Variants in FLT1 observed in about 807,000 individuals in gnomAD.
FLT1 encodes the protein vascular endothelial growth factor receptor 1.
A neutral mutation model predicts 156.3 loss-of-function variants in FLT1; 49 were observed. The observed-to-expected ratio is 0.31, with a 90% CI of 0.25 to 0.40. The LOEUF is 0.40. Among genes scored for constraint, FLT1 ranks in the 10% least tolerant of loss-of-function variants. FLT1 has a pLI of 1.00. For synonymous variants in FLT1, 594 were observed against 583.8 expected (o/e 1.02, Z -0.25); for missense variants, 1,322 against 1,637.2 (o/e 0.81, Z 3.32).
chr13:28,306,878 C>T, intron 28 of FLT1, 106 bp from the exon 29 acceptor site: 1 of 761,346 alleles, frequency 1.3e-6, no homozygotes, highest in South Asian at 1.4e-5. Context: ...GGCTCTGCCT[C>T]ACCCTCCACA....
At chr13:28,456,295 A>T (rs1879256915) in intron 3 of FLT1, among the ~76,000 whole-genome samples, 1 of 151,624 alleles carries the variant, frequency 6.6e-6, no homozygotes. Context: ...TGAATATAAA[A>T]ATATATAAAC....
intron 3 of FLT1, among the ~76,000 whole-genome samples, chr13:28,462,873 C>T (rs1017761337): frequency 4.6e-5 from 7 of 152,216 alleles, no homozygotes; most frequent in African/African-American, 1.4e-4. Context: ...AGGCCCCTAT[C>T]TGGCCTTCCT....
At chr13:28,433,333 T>C (rs1021389237) in intron 6 of FLT1, among the ~76,000 whole-genome samples, 7 of 152,190 alleles carry the variant, frequency 4.6e-5, no homozygotes, top group Non-Finnish European at 8.8e-5. Flanking sequence ...ACTTAACAAA[T>C]GGAATATTGG....
chr13:28,399,622 AT>A, intron 11 of FLT1, among the ~76,000 whole-genome samples: 1 of 152,202 alleles, frequency 6.6e-6, no homozygotes, highest in Non-Finnish European at 1.5e-5. Context: ...ATAGGTCCAA[AT>A]TTATGTATAA....
intron 1 of FLT1, among the ~76,000 whole-genome samples, chr13:28,489,882 C>G (rs1351107177): frequency 2.0e-5 from 3 of 152,112 alleles, no homozygotes; most frequent in Non-Finnish European, 4.4e-5. Flanking sequence ...TACTAAGCAG[C>G]CATCATTTTG....
rs1873851500 is a variant in FLT1 at position 28,376,669 on chromosome 13, A to G, written c.2116+8216T>C. ...TGGCCAACTTATGTTACTTCCTTAC[A>G]GTGCCACTGTGAAGAGGGTTGCCAG... On this transcript the variant is annotated intron_variant, in intron 14 of 29. Transcript: ENST00000282397. Among the ~76,000 whole-genome samples, 4 of 152,228 alleles carry G rather than the reference A, an allele frequency of 2.6e-5. No individual in the cohort carries two copies. In the South Asian group the frequency reaches 8.3e-4, roughly 32 times the overall value.
intron 3 of FLT1, among the ~76,000 whole-genome samples, chr13:28,462,011 G>C (rs1336631356): frequency 6.6e-6 from 1 of 152,170 alleles, no homozygotes; most frequent in African/African-American, 2.4e-5. Flanking sequence ...GGATGAACTA[G>C]AAGGGATCCA....
chr13:28,395,279 T>C lies in FLT1; in HGVS notation c.1660+1681A>G, dbSNP rs75545276. On this transcript the variant is annotated intron_variant, in intron 12 of 29. Coordinates refer to ENST00000282397, the MANE Select transcript of FLT1 (RefSeq NM_002019.4). ...GGTACTCTTGTCTTGGCTCTGAAAA[T>C]GTCAGGGCAAGTCTGTTTTCTTCTC... Among the ~76,000 whole-genome samples the C allele has an allele frequency of 7.4e-4, 113 of 152,292 alleles. No homozygotes were observed. In the East Asian group the frequency reaches 0.019, roughly 25 times the overall value.
At chr13:28,481,554 C>A (rs1880855937) in intron 1 of FLT1, among the ~76,000 whole-genome samples, 1 of 151,986 alleles carries the variant, frequency 6.6e-6, no homozygotes, top group African/African-American at 2.4e-5. Context: ...AGAGAAATGG[C>A]TCAGGATATG....
intron 24 of FLT1, among the ~76,000 whole-genome samples, chr13:28,317,878 G>A (rs1194973669): frequency 1.6e-4 from 24 of 152,352 alleles, no homozygotes; most frequent in Admixed American, 1.5e-3. Context: ...AGAGGAAGGG[G>A]TGTCGTCTGA....
intron 19 of FLT1, 32 bp downstream of exon 19, chr13:28,329,583 G>T (rs1403950082): frequency 1.4e-6 from 2 of 1,448,228 alleles, no homozygotes; most frequent in South Asian, 1.1e-5. Context: ...TGTGCAGGGG[G>T]AGACGGAGCC....
At chr13:28,305,951 C>T (rs189537586) in intron 29 of FLT1, among the ~76,000 whole-genome samples, 194 of 152,216 alleles carry the variant, frequency 1.3e-3, no homozygotes, top group African/African-American at 4.5e-3. Context: ...CTGCCTACCC[C>T]GGATTTAGGT....
intron 15 of FLT1, among the ~76,000 whole-genome samples, chr13:28,352,162 G>A (rs564597711): frequency 6.6e-5 from 10 of 152,312 alleles, no homozygotes; most frequent in African/African-American, 2.4e-4. Context: ...AGAGCAGGAT[G>A]GTTGAACATG....
intron 29 of FLT1, 70 bp from the exon 30 acceptor site, chr13:28,303,438 A>G (rs1473957459): frequency 2.9e-6 from 4 of 1,356,046 alleles, no homozygotes; most frequent in Non-Finnish European, 4.1e-6. Context: ...ACTAAAATCT[A>G]CTCTTTCTGA....
Position 28,473,835 on chromosome 13 carries a change from AAAGG to A in FLT1, c.65-6222_65-6219del, listed in dbSNP as rs59979408. ...GAAAGAAAGAAAGAAAGAAAGAAAG[AAAGG>A]AAGAAAGAAAGAAAGAAAGAAAGAA... On this transcript the variant is annotated intron_variant, in intron 1 of 29. Transcript: ENST00000282397. Among the ~76,000 whole-genome samples, 610 of 118,662 alleles carry A rather than the reference AAAGG, an allele frequency of 5.1e-3. 12 individuals carry two copies. The highest frequency in any genetic ancestry group is 8.7e-3 in the African/African-American group (217 of 24,854). 77.8% of individuals were successfully genotyped at this position (118,662 alleles called of 152,430 possible). A position where few individuals can be genotyped will look rare whatever the true frequency, so the allele number is the denominator to read the frequency against.
At chr13:28,313,215 T>C (rs529854478) in intron 25 of FLT1, among the ~76,000 whole-genome samples, 9 of 152,182 alleles carry the variant, frequency 5.9e-5, no homozygotes, top group Admixed American at 5.9e-4. Flanking sequence ...CTGGCCTCAA[T>C]TGATTCACCA....
intron 29 of FLT1, 68 bp from the exon 30 acceptor site, chr13:28,303,436 C>CAAAGA: frequency 7.2e-7 from 1 of 1,385,000 alleles, no homozygotes; most frequent in Non-Finnish European, 1.0e-6. Flanking sequence ...ACACTAAAAT[C>CAAAGA]TACTCTTTCT....
At chr13:28,465,013 AGAT>A (rs1879772973) in intron 3 of FLT1, among the ~76,000 whole-genome samples, 1 of 152,240 alleles carries the variant, frequency 6.6e-6, no homozygotes, top group African/African-American at 2.4e-5. Context: ...CTTTCTCCAC[AGAT>A]GTCGGAAAGA....
intron 4 of FLT1, among the ~76,000 whole-genome samples, chr13:28,436,910 A>C (rs893669899): frequency 6.6e-6 from 1 of 152,172 alleles, no homozygotes; most frequent in Non-Finnish European, 1.5e-5. Context: ...GAGAGGTTTG[A>C]TAACTCATTA....
Sources: allele counts gnomAD v4.1 joint callset (sites outside exome capture counted in the v4.1 genomes callset), GRCh38; gene constraint gnomAD v4.1.1; transcripts MANE v1.5; gene names NCBI Gene and HGNC (gene_info 2026-07-23, HGNC 2026-07-21).